Variants in SMCHD1 observed in about 807,000 individuals in gnomAD.
The protein encoded by SMCHD1 is structural maintenance of chromosomes flexible hinge domain containing 1.
In SMCHD1, 78 loss-of-function variants were observed where a neutral mutation model predicts 254.7. The observed-to-expected ratio is 0.31, with a 90% CI of 0.26 to 0.37. SMCHD1 has a LOEUF of 0.37. Ranked by LOEUF, SMCHD1 falls within the 10% of genes least tolerant of loss-of-function variation. SMCHD1 has a pLI of 1.00. For synonymous variants in SMCHD1, 766 were observed against 794.9 expected, an observed-to-expected ratio of 0.96 and a Z score of 0.61; for missense variants, 1,840 against 2,408.1, an observed-to-expected ratio of 0.76 and a Z score of 4.94.
rs2075090989 is a variant in SMCHD1, at chr18:2,729,349, T to C, written c.2988T>C (p.Ser996=). Residue 996 remains serine (S), a synonymous_variant, in exon 24 of 48, where the codon TCT becomes TCC. Transcript: ENST00000320876. Reference sequence around the variant, plus strand: ...CTGGAACCAGTATTTTAACAGGATCTGCAATTCAAGTTCAGAATATTAAAA... The same window carrying C: ...CTGGAACCAGTATTTTAACAGGATCCGCAATTCAAGTTCAGAATATTAAAA... ...SSSGTSILTG[S]AIQVQNIKKD... The C allele has an allele frequency of 6.4e-7, 1 of 1,559,206 alleles. No homozygotes were observed. Among genetic ancestry groups the C allele is most frequent in the South Asian group, 1.2e-5 (1 of 83,646 alleles).
chr18:2,705,396 T>C (rs1598342054), intron 13 of SMCHD1, among the ~76,000 whole-genome samples: 4 of 152,320 alleles, frequency 2.6e-5, no homozygotes, highest in Non-Finnish European at 1.5e-5. Flanking sequence ...GTTTCAGATA[T>C]GTTGGCATTC....
chr18:2,771,325 A>G (rs1473727599), intron 39 of SMCHD1, among the ~76,000 whole-genome samples: 1 of 152,170 alleles, frequency 6.6e-6, no homozygotes, highest in Non-Finnish European at 1.5e-5. Flanking sequence ...CTTTAGTTGC[A>G]TTAATTTTGT....
intron 15 of SMCHD1, chr18:2,707,352 G>GTTT (rs375152655): frequency 1.7e-5 from 5 of 296,492 alleles, no homozygotes; most frequent in East Asian, 5.4e-5. Flanking sequence ...ATTCCAAAAG[G>GTTT]TTTTTTTTTT....
At chr18:2,705,828 A>G in intron 14 of SMCHD1, 21 bp downstream of exon 14, 1 of 1,393,510 alleles carries the variant, frequency 7.2e-7, no homozygotes, top group Non-Finnish European at 1.0e-6. Flanking sequence ...AAGTGATAAA[A>G]CATACTGAAA....
rs1357038529 is a variant in SMCHD1, at chr18:2,781,562, A to T, written c.5548-2888A>T. ...ATATTTGATTAATATAGTTCAAAAA[A>T]TGAAAGTGTTGAAAATGAGAAAAGA... is the stretch of plus-strand genomic sequence containing the variant. On this transcript the variant is annotated intron_variant, in intron 44 of 47. Coordinates refer to ENST00000320876, the MANE Select transcript of SMCHD1 (RefSeq NM_015295.3). Among the ~76,000 whole-genome samples, 4 of 152,198 alleles carry T rather than the reference A, an allele frequency of 2.6e-5. No homozygotes were observed. In the East Asian group the frequency reaches 7.7e-4, roughly 29 times the overall value.
In SMCHD1 at chr18:2,803,098, A is replaced by G. The variant is rs1321331872; in HGVS notation, c.*546A>G. 1.3e-5 allele frequency: 2 copies of G among 151,272 alleles called. No homozygotes were observed. Among genetic ancestry groups the G allele is most frequent in the Non-Finnish European group, 2.9e-5 (2 of 67,818 alleles). 9.4% of individuals were successfully genotyped at this position (151,272 alleles called of 1,614,324 possible). ...AAAAGCACAGGTATTTGGGAATTGA[A>G]ATGTTAAGATACCCAGAACAACATT... On this transcript the variant is annotated 3_prime_UTR_variant, in exon 48 of 48. Transcript: ENST00000320876.
intron 45 of SMCHD1, among the ~76,000 whole-genome samples, chr18:2,787,312 C>T (rs74779979): frequency 0.021 from 3,171 of 152,280 alleles, 41 homozygotes; most frequent in African/African-American, 0.035. Flanking sequence ...ATGACCCCAA[C>T]ATTAGGCCTC....
chr18:2,671,682 G>A (rs1257799069), intron 3 of SMCHD1, among the ~76,000 whole-genome samples: 4 of 146,226 alleles, frequency 2.7e-5, no homozygotes, highest in Non-Finnish European at 5.9e-5. Flanking sequence ...TGCAAGCTCC[G>A]CCTCCCGGGT....
chr18:2,743,871 A>G lies in SMCHD1; in HGVS notation c.3744A>G (p.Gln1248=), dbSNP rs749849226. The G allele has an allele frequency of 1.4e-5, 22 of 1,613,338 alleles. No homozygotes were observed. The highest frequency in any genetic ancestry group is 4.5e-5 in the East Asian group (2 of 44,806). ...AGTTTTCTGACTTTATTCGAGTGCA[A>G]CTAATTTCTGGACCTCCTGCTAAAC... The part of the protein sequence containing the change: ...WREFSDFIRV[Q]LISGPPAKLL... The change falls in exon 29 of 48, where the codon CAA becomes CAG. Residue 1248 remains glutamine (Q), a synonymous_variant. Transcript: ENST00000320876.
At chr18:2,761,397 C>G (rs1198076358) in intron 35 of SMCHD1, among the ~76,000 whole-genome samples, 2 of 152,194 alleles carry the variant, frequency 1.3e-5, no homozygotes, top group Non-Finnish European at 2.9e-5. Context: ...CTTGCACATA[C>G]ACCCCCTGAA....
intron 28 of SMCHD1, among the ~76,000 whole-genome samples, chr18:2,741,592 A>G (rs1200214592): frequency 6.6e-6 from 1 of 152,096 alleles, no homozygotes; most frequent in Non-Finnish European, 1.5e-5. Context: ...GTCGAGCATC[A>G]TTTTCACTGC....
At chr18:2,679,231 G>T (rs2073862670) in intron 5 of SMCHD1, among the ~76,000 whole-genome samples, 1 of 147,946 alleles carries the variant, frequency 6.8e-6, no homozygotes, top group South Asian at 2.2e-4. Context: ...TGTAATCCCA[G>T]CACTTTGGGA....
At chr18:2,798,221 C>T (rs1252152900) in intron 47 of SMCHD1, among the ~76,000 whole-genome samples, 4 of 151,500 alleles carry the variant, frequency 2.6e-5, no homozygotes, top group African/African-American at 7.3e-5. Context: ...TTATGAAACT[C>T]CTCCCTCATC....
Position 2,763,694 on chromosome 18 carries a change from A to G in SMCHD1, c.4624A>G (p.Lys1542Glu). The G allele has an allele frequency of 6.2e-7, 1 of 1,607,910 alleles. No homozygotes were observed. Among genetic ancestry groups the G allele is most frequent in the Non-Finnish European group, 8.5e-7 (1 of 1,177,232 alleles). ...DLVGTIIATI[K>E]GSNEEDTDTP... ...GGTTGGCACTATAATAGCCACCATT[A>G]AAGGCTCTAATGAGGAAGATACTGA... is the stretch of plus-strand genomic sequence containing the variant. The change falls in exon 37 of 48, where the codon AAA becomes GAA. Residue 1542 changes from lysine (K) to glutamate (E), a missense_variant. Physicochemically the swap from Lys to Glu is moderately conservative, Grantham distance 56 (BLOSUM62 1). Transcript: ENST00000320876.
chr18:2,787,347 G>A (rs1257072581), intron 45 of SMCHD1, among the ~76,000 whole-genome samples: 1 of 152,098 alleles, frequency 6.6e-6, no homozygotes, highest in Non-Finnish European at 1.5e-5. Flanking sequence ...CCATACCAGG[G>A]ATCAAATTTT....
At chr18:2,698,680 T>TC (rs5822718) in intron 10 of SMCHD1, among the ~76,000 whole-genome samples, 69 of 151,318 alleles carry the variant, frequency 4.6e-4, no homozygotes, top group African/African-American at 1.6e-3. Flanking sequence ...CACCTTTTTT[T>TC]CCCCCCCCAG....
At chr18:2,784,972 T>G in intron 45 of SMCHD1, 1 of 369,816 alleles carries the variant, frequency 2.7e-6, no homozygotes. Context: ...AAGAAATTTC[T>G]GTCATTATTG....
chr18:2,752,930 A>T (rs2075603281), intron 34 of SMCHD1: 1 of 183,306 alleles, frequency 5.5e-6, no homozygotes, highest in South Asian at 1.1e-4. Flanking sequence ...TTCAAATCTA[A>T]AAACATTATG....
chr18:2,679,479 C>A (rs2073872101), intron 5 of SMCHD1, among the ~76,000 whole-genome samples: 1 of 5,366 alleles, frequency 1.9e-4, no homozygotes. Context: ...GACTCCATCT[C>A]CAAAAAAAAA....
Sources: gnomAD v4.1 joint callset for allele counts (sites outside exome capture counted in the v4.1 genomes callset) on GRCh38, gnomAD v4.1.1 for gene constraint, MANE v1.5 for transcripts, NCBI Gene and HGNC (gene_info 2026-07-23, HGNC 2026-07-21) for gene names.